Variants in PKP1 observed in about 807,000 individuals in gnomAD.
The protein encoded by PKP1 is plakophilin-1.
Under a neutral mutation model 76.4 loss-of-function variants are expected in PKP1, and 27 were observed. The observed-to-expected ratio is 0.35, with a 90% CI of 0.26 to 0.49. The LOEUF is 0.49. Ranked by LOEUF, PKP1 falls within the 20% of genes least tolerant of loss-of-function variation. The pLI is 0.99. For synonymous variants in PKP1, 404 were observed against 384.2 expected (o/e 1.05, Z -0.60); for missense variants, 964 against 955.2 (o/e 1.01, Z -0.12).
intron 11 of PKP1, 58 bp downstream of exon 11, chr1:201,325,185 C>A: frequency 1.3e-6 from 2 of 1,550,684 alleles, no homozygotes; most frequent in Non-Finnish European, 8.9e-7. Flanking sequence ...CCTCACCCTG[C>A]ACAGCAGGAA....
chr1:201,312,743 A>T (rs1376111475), intron 2 of PKP1, among the ~76,000 whole-genome samples: 1 of 151,962 alleles, frequency 6.6e-6, no homozygotes, highest in Non-Finnish European at 1.5e-5. Flanking sequence ...TGGTGCATAC[A>T]CCTTTCCTGG....
rs768506637 is a variant in PKP1, at chr1:201,320,395, C to A, written c.1347+14C>A. The A allele has an allele frequency of 1.3e-6, 2 of 1,540,282 alleles. No homozygotes were observed. The highest frequency in any genetic ancestry group is 1.8e-6 in the Non-Finnish European group (2 of 1,112,774). On this transcript the variant is annotated intron_variant, in intron 7 of 13. Coordinates refer to ENST00000367324, the MANE Select transcript of PKP1 (RefSeq NM_001005337.3). ...TGTGACGACAAGGTGAGTGCATCCC[C>A]TGGTGGCACCCTGACCCCTAGGCCC...
intron 2 of PKP1, among the ~76,000 whole-genome samples, chr1:201,307,529 C>A (rs1002323546): frequency 6.6e-6 from 1 of 152,160 alleles, no homozygotes. Flanking sequence ...GCCCCATTCT[C>A]GGCAGCCTTG....
At chr1:201,318,583 T>C (rs1404075250) in intron 5 of PKP1, 35 bp from the exon 6 acceptor site, 1 of 1,606,654 alleles carries the variant, frequency 6.2e-7, no homozygotes, top group South Asian at 1.1e-5. Context: ...ATCCTGAGCC[T>C]GGCACAAATT....
rs61818256 is a variant in PKP1, at chr1:201,325,782, C to T, written c.2050C>T (p.Arg684Trp). The T allele has an allele frequency of 0.015, 24,900 of 1,613,928 alleles. 226 individuals are homozygous for T. Among genetic ancestry groups the T allele is most frequent in the Non-Finnish European group, 0.017 (20,165 of 1,179,848 alleles). ...SASPKAAEAA[R>W]LLLSDMWSSK... ...CTCACCCAAGGCCGCAGAAGCTGCC[C>T]GGCTTCTCCTGTCTGACATGTGGTC... Residue 684 changes from arginine to tryptophan, a missense_variant, in exon 12 of 14, where the codon CGG becomes TGG. Transcript: ENST00000367324.
chr1:201,302,053 G>T (rs116359276), intron 2 of PKP1, among the ~76,000 whole-genome samples: 1 of 152,214 alleles, frequency 6.6e-6, no homozygotes, highest in Non-Finnish European at 1.5e-5. Context: ...CAGCTGCGCT[G>T]TGTCCTCAGT....
At chr1:201,295,203 G>A (rs2102156074) in intron 2 of PKP1, among the ~76,000 whole-genome samples, 1 of 152,236 alleles carries the variant, frequency 6.6e-6, no homozygotes, top group Middle Eastern at 3.4e-3. Flanking sequence ...AGGAGAGGGT[G>A]AGGAGTTTAT....
intron 2 of PKP1, among the ~76,000 whole-genome samples, chr1:201,305,523 A>G (rs1019770342): frequency 6.6e-6 from 1 of 152,224 alleles, no homozygotes; most frequent in Admixed American, 6.5e-5. Context: ...CAAGCAAACA[A>G]ACAAAAACTG....
chr1:201,304,229 C>T (rs1656312488), intron 2 of PKP1, among the ~76,000 whole-genome samples: 1 of 152,238 alleles, frequency 6.6e-6, no homozygotes, highest in Non-Finnish European at 1.5e-5. Context: ...TCCTTCCTGG[C>T]CACGCCAGAA....
At chr1:201,322,914 AC>A in intron 8 of PKP1, 98 bp from the exon 9 acceptor site, 2 of 1,326,724 alleles carry the variant, frequency 1.5e-6, no homozygotes, top group Non-Finnish European at 2.1e-6. Flanking sequence ...CCTATCTGGA[AC>A]CACGACCCTG....
rs200484616 is a variant in PKP1, at chr1:201,325,055, C to T, written c.1949C>T (p.Ser650Leu). Residue 650 changes from serine to leucine, a missense_variant, in exon 11 of 14, where the codon TCG (serine) becomes TTG (leucine). Coordinates refer to ENST00000367324, the MANE Select transcript of PKP1 (RefSeq NM_001005337.3). Reference protein sequence around the residue: ...ACYTVRNLMASQPQLAKQYFS... With the variant: ...ACYTVRNLMALQPQLAKQYFS... ...TACACTGTGAGGAACCTGATGGCCT[C>T]GCAGCCACAACTGGCCAAGCAGTAC... 9.9e-6 allele frequency: 16 copies of T among 1,613,914 alleles called. No individual in the cohort carries two copies. The highest frequency in any genetic ancestry group is 6.6e-5 in the South Asian group (6 of 91,086).
chr1:201,285,485 C>G (rs988471879), intron 1 of PKP1, among the ~76,000 whole-genome samples: 4 of 152,186 alleles, frequency 2.6e-5, no homozygotes, highest in African/African-American at 9.6e-5. Flanking sequence ...ACCTCCAGAG[C>G]ACTTGCCTCC....
At position 201,309,659 on chromosome 1, in the gene PKP1, C is replaced by T. The variant is rs370572198; in HGVS notation, c.307-3507C>T. On this transcript the variant is annotated intron_variant, in intron 2 of 13. Coordinates refer to ENST00000367324, the MANE Select transcript of PKP1 (RefSeq NM_001005337.3). ...GTGTGGCTGGGAGAGCCGGCATTGGCGGTGAAGCTCTCCCACCTGCAGCGG... is the reference window on the plus strand; with the variant it reads ...GTGTGGCTGGGAGAGCCGGCATTGGTGGTGAAGCTCTCCCACCTGCAGCGG... Among the ~76,000 whole-genome samples, 3 of 152,182 alleles carry T rather than the reference C, an allele frequency of 2.0e-5. No individual in the cohort carries two copies. The East Asian group carries it at 5.8e-4, about 29-fold the overall frequency.
chr1:201,319,359 C>T (rs1433005023), intron 6 of PKP1, among the ~76,000 whole-genome samples: 4 of 152,100 alleles, frequency 2.6e-5, no homozygotes, highest in Non-Finnish European at 4.4e-5. Context: ...TGTGGAGGGG[C>T]GGCTGGTACA....
At chr1:201,318,864 A>G in intron 6 of PKP1, 69 bp downstream of exon 6, 1 of 1,332,288 alleles carries the variant, frequency 7.5e-7, no homozygotes, top group Non-Finnish European at 1.1e-6. Context: ...GCCCCATCTC[A>G]GCCAACATTC....
In PKP1 at chr1:201,320,366, C is replaced by T. The variant is rs996137247; in HGVS notation, c.1332C>T (p.Ser444=). Residue 444 remains serine, a synonymous_variant, in exon 7 of 14, where the codon AGC becomes AGT. Transcript: ENST00000367324. The part of the protein sequence containing the change: ...MAYVQNCVAA[S]RCDDKSVENC... ...ATGTCCAGAACTGTGTAGCGGCCAG[C>T]CGCTGTGACGACAAGGTGAGTGCAT... is the stretch of plus-strand genomic sequence containing the variant. The T allele has an allele frequency of 9.9e-6, 16 of 1,611,388 alleles. No individual in the cohort carries two copies. The highest frequency in any genetic ancestry group is 1.4e-5 in the Non-Finnish European group (16 of 1,177,594).
At chr1:201,301,847 A>T (rs1410107959) in intron 2 of PKP1, among the ~76,000 whole-genome samples, 2 of 152,156 alleles carry the variant, frequency 1.3e-5, no homozygotes, top group Non-Finnish European at 2.9e-5. Context: ...ACAAGAAGAT[A>T]TAATTAAAAG....
intron 1 of PKP1, among the ~76,000 whole-genome samples, chr1:201,290,499 A>G (rs944009114): frequency 7.2e-5 from 11 of 152,136 alleles, no homozygotes; most frequent in Non-Finnish European, 1.3e-4. Context: ...TTCCCCAGGA[A>G]CTAAGAATCC....
In PKP1 at chr1:201,313,204, GC is replaced by G. The variant is rs1558190125; in HGVS notation, c.346del (p.Arg116AlafsTer81). The G allele has an allele frequency of 6.2e-7, 1 of 1,607,094 alleles. No individual in the cohort carries two copies. On this transcript the variant is annotated frameshift_variant, in exon 3 of 14. Coordinates refer to ENST00000367324, the MANE Select transcript of PKP1 (RefSeq NM_001005337.3). LOFTEE classifies it high-confidence loss of function. ...GTLKREPDNR[R>X]FSSYSQMENW... ...CCCTCAAGCGGGAGCCTGACAACAGGCGCTTCAGCTCCTACAGCCAGATGGA... is the reference window on the plus strand; with the variant it reads ...CCCTCAAGCGGGAGCCTGACAACAGGGCTTCAGCTCCTACAGCCAGATGGA...
Sources: gnomAD v4.1 joint callset for allele counts (sites outside exome capture counted in the v4.1 genomes callset) on GRCh38, gnomAD v4.1.1 for gene constraint, MANE v1.5 for transcripts, NCBI Gene and HGNC (gene_info 2026-07-23, HGNC 2026-07-21) for gene names.